Variants in KCNK2 observed in about 807,000 individuals in gnomAD.
KCNK2 encodes potassium channel subfamily K member 2.
Under a neutral mutation model 40.5 loss-of-function variants are expected in KCNK2, and 21 were observed. The ratio of observed to expected loss-of-function variants is 0.52; its 90% CI spans 0.37 to 0.75. The LOEUF (loss-of-function observed/expected upper bound fraction) is 0.75, where lower values mean the gene tolerates loss of function less well. Ranked by LOEUF, KCNK2 falls within the 30% of genes least tolerant of loss-of-function variation. The pLI is 0.00. For synonymous variants in KCNK2, 191 were observed against 202.2 expected, an observed-to-expected ratio of 0.94 and a Z score of 0.47; for missense variants, 399 against 531.6, an observed-to-expected ratio of 0.75 and a Z score of 2.45.
chr1:215,203,716 A>G (rs1313781972), intron 6 of KCNK2, among the ~76,000 whole-genome samples: 2 of 152,110 alleles, frequency 1.3e-5, no homozygotes, highest in African/African-American at 4.8e-5. Context: ...AGAGACCAAA[A>G]TAGCCTAGTA....
At chr1:215,116,110 G>A (rs1660927973) in intron 2 of KCNK2, among the ~76,000 whole-genome samples, 1 of 151,870 alleles carries the variant, frequency 6.6e-6, no homozygotes, top group Non-Finnish European at 1.5e-5. Context: ...CATTAGACAG[G>A]TTTACTCAAT....
chr1:215,044,957 T>G (rs1345209700), intron 1 of KCNK2, among the ~76,000 whole-genome samples: 1 of 151,924 alleles, frequency 6.6e-6, no homozygotes, highest in African/African-American at 2.4e-5. Context: ...GATCACGAGG[T>G]CAGGAGATCG....
chr1:215,167,131 T>C (rs1663481089), intron 3 of KCNK2, among the ~76,000 whole-genome samples: 1 of 152,118 alleles, frequency 6.6e-6, no homozygotes, highest in African/African-American at 2.4e-5. Context: ...TGACTAAACA[T>C]TAGCTCACCC....
At chr1:215,145,287 C>A (rs1276820946) in intron 3 of KCNK2, among the ~76,000 whole-genome samples, 3 of 151,980 alleles carry the variant, frequency 2.0e-5, no homozygotes, top group Admixed American at 2.0e-4. Flanking sequence ...TTATGTATTC[C>A]TTTTACTGTT....
At position 215,209,267 on chromosome 1, in the gene KCNK2, TATATAAATATACACATATTTTATATATA is replaced by T. The variant is rs1465606870; in HGVS notation, c.963+14181_963+14208del. On this transcript the variant is annotated intron_variant, in intron 6 of 6. Coordinates refer to ENST00000444842, the MANE Select transcript of KCNK2 (RefSeq NM_001017425.3). ...ATATACACATATCTTATATATAAAA[TATATAAATATACACATATTTTATATATA>T]ATATATATTATATATATGAAATATA... is the stretch of plus-strand genomic sequence containing the variant. Among the ~76,000 whole-genome samples, 409 of 116,944 alleles carry T rather than the reference TATATAAATATACACATATTTTATATATA, an allele frequency of 3.5e-3. 4 individuals carry two copies. The highest frequency in any genetic ancestry group is 0.014 in the African/African-American group (382 of 28,236). The allele number at this position is 116,944 out of a possible 152,430, so 76.7% of individuals were successfully genotyped here.
intron 1 of KCNK2, among the ~76,000 whole-genome samples, chr1:215,065,857 G>A (rs1658518907): frequency 6.6e-6 from 1 of 152,166 alleles, no homozygotes; most frequent in African/African-American, 2.4e-5. Flanking sequence ...AAAGCCAGAT[G>A]TAATGACATG....
At chr1:215,033,476 T>A (rs1657276964) in intron 1 of KCNK2, among the ~76,000 whole-genome samples, 1 of 152,154 alleles carries the variant, frequency 6.6e-6, no homozygotes, top group Admixed American at 6.6e-5. Context: ...TGGGTACAAA[T>A]AACTGTTGTA....
At chr1:215,140,984 A>G (rs1251043947) in intron 3 of KCNK2, among the ~76,000 whole-genome samples, 1 of 151,918 alleles carries the variant, frequency 6.6e-6, no homozygotes, top group Non-Finnish European at 1.5e-5. Flanking sequence ...CTTTTTTTCT[A>G]TTAATTTTTA....
intron 3 of KCNK2, among the ~76,000 whole-genome samples, chr1:215,164,692 T>C (rs1426277643): frequency 6.6e-6 from 1 of 152,168 alleles, no homozygotes; most frequent in Non-Finnish European, 1.5e-5. Context: ...GAGTAACTTC[T>C]ACTCAGATTC....
At chr1:215,051,289 G>A (rs1264263921) in intron 1 of KCNK2, among the ~76,000 whole-genome samples, 1 of 152,082 alleles carries the variant, frequency 6.6e-6, no homozygotes, top group African/African-American at 2.4e-5. Flanking sequence ...AAAGTGTACT[G>A]AAGCTAAAAT....
rs538476962 is a variant in KCNK2, at chr1:215,021,537, C to CTTTTTTTT, written c.34+15601_34+15608dup. Among the ~76,000 whole-genome samples, 14 of 96,324 alleles carry CTTTTTTTT rather than the reference C, an allele frequency of 1.5e-4. 3 individuals are homozygous for CTTTTTTTT. Among genetic ancestry groups the CTTTTTTTT allele is most frequent in the South Asian group, 5.7e-4 (1 of 1,762 alleles). The allele number at this position is 96,324 out of a possible 152,430, so 63.2% of individuals were successfully genotyped here. A position where few individuals can be genotyped will look rare whatever the true frequency, so the allele number is the denominator to read the frequency against. On this transcript the variant is annotated intron_variant, in intron 1 of 6. Transcript: ENST00000391895. ...TCTCTTCTGGAGCTGGGACAACCAT[C>CTTTTTTTT]TTTTTTTTTTTTTTTTTTTTTTTTT...
chr1:215,030,619 C>T (rs576396650), intron 1 of KCNK2, among the ~76,000 whole-genome samples: 16 of 151,780 alleles, frequency 1.1e-4, no homozygotes, highest in Non-Finnish European at 1.5e-4. Context: ...ACTGCAGCTT[C>T]GACCTCCCAG....
intron 2 of KCNK2, among the ~76,000 whole-genome samples, chr1:215,092,803 A>C (rs1163553239): frequency 1.3e-5 from 2 of 152,156 alleles, no homozygotes; most frequent in African/African-American, 4.8e-5. Flanking sequence ...GTTACTAACA[A>C]GCAATGCTGA....
At chr1:215,171,907 T>C in intron 4 of KCNK2, 90 bp from the exon 5 acceptor site, 1 of 886,206 alleles carries the variant, frequency 1.1e-6, no homozygotes, top group Non-Finnish European at 1.6e-6. Context: ...GTAATTTCTC[T>C]CTCTCTCTCT....
intron 6 of KCNK2, among the ~76,000 whole-genome samples, chr1:215,203,618 A>G (rs1665173401): frequency 1.3e-5 from 2 of 152,132 alleles, no homozygotes; most frequent in African/African-American, 4.8e-5. Context: ...TACCTGGTTG[A>G]AATAATAAGT....
intron 1 of KCNK2, among the ~76,000 whole-genome samples, chr1:215,049,101 C>A (rs188714125): frequency 6.0e-4 from 92 of 152,168 alleles, no homozygotes; most frequent in South Asian, 8.3e-4. Flanking sequence ...TTTTACATTC[C>A]CATCAGCGTT....
At chr1:215,169,628 T>G (rs1168498538) in intron 4 of KCNK2, among the ~76,000 whole-genome samples, 6 of 122,952 alleles carry the variant, frequency 4.9e-5, no homozygotes, top group Admixed American at 2.6e-4. Flanking sequence ...TTCTTTTACT[T>G]TTTTCTTTTT....
At chr1:215,144,976 G>A (rs1571662388) in intron 3 of KCNK2, among the ~76,000 whole-genome samples, 1 of 152,160 alleles carries the variant, frequency 6.6e-6, no homozygotes, top group South Asian at 2.1e-4. Context: ...CAGATTATTT[G>A]ACTGAATATC....
At position 215,236,073 on chromosome 1, in the gene KCNK2, T is replaced by TATCTATCTATCTATCTATC; in HGVS notation, c.*929_*947dup. ...CTATCTATCTATCTATCTATCTATC[T>TATCTATCTATCTATCTATC]ATCTATCTATCTATCTATCTATCTA... On this transcript the variant is annotated 3_prime_UTR_variant, in exon 7 of 7. Transcript: ENST00000444842. 6.6e-6 allele frequency: 1 copy of TATCTATCTATCTATCTATC among 150,902 alleles called. No individual in the cohort carries two copies. The highest frequency in any genetic ancestry group is 1.5e-5 in the Non-Finnish European group (1 of 68,032). The allele number at this position is 150,902 out of a possible 1,614,324, so 9.3% of individuals were successfully genotyped here.
Sources: allele counts gnomAD v4.1 joint callset (sites outside exome capture counted in the v4.1 genomes callset), GRCh38; gene constraint gnomAD v4.1.1; transcripts MANE v1.5; gene names NCBI Gene and HGNC (gene_info 2026-07-23, HGNC 2026-07-21).